IER3IP1: variants seen among roughly 807,000 people sequenced by gnomAD.
IER3IP1 encodes immediate early response 3 interacting protein 1, also known as immediate early response 3-interacting protein 1.
Under a neutral mutation model 12.2 loss-of-function variants are expected in IER3IP1, and 16 were observed. The observed-to-expected ratio is 1.31, with a 90% CI of 0.89 to 1.99. The LOEUF (loss-of-function observed/expected upper bound fraction) is 1.99, where lower values mean the gene tolerates loss of function less well. Among genes scored for constraint, IER3IP1 ranks in the 30% most tolerant of loss-of-function variants. IER3IP1 has a pLI of 0.00. For synonymous variants in IER3IP1, 42 were observed against 40.0 expected, an observed-to-expected ratio of 1.05 and a Z score of -0.19; for missense variants, 95 against 95.8, an observed-to-expected ratio of 0.99 and a Z score of 0.03.
intron 1 of IER3IP1, among the ~76,000 whole-genome samples, chr18:47,161,051 A>C (rs2063978519): frequency 6.6e-6 from 1 of 152,042 alleles, no homozygotes; most frequent in Non-Finnish European, 1.5e-5. Context: ...TCCTCATTTC[A>C]GGTCCACTTT....
intron 1 of IER3IP1, among the ~76,000 whole-genome samples, chr18:47,160,570 G>T (rs1025066301): frequency 6.6e-6 from 1 of 151,844 alleles, no homozygotes; most frequent in Non-Finnish European, 1.5e-5. Flanking sequence ...ATAAAGACAA[G>T]AACATGGTAA....
intron 1 of IER3IP1, among the ~76,000 whole-genome samples, chr18:47,163,588 G>A (rs1398531970): frequency 1.4e-4 from 22 of 152,218 alleles, no homozygotes; most frequent in Admixed American, 1.3e-3. Context: ...TCAAGCCTGA[G>A]TGTGCTGCTG....
intron 1 of IER3IP1, among the ~76,000 whole-genome samples, chr18:47,158,963 T>G (rs1264808576): frequency 6.6e-6 from 1 of 151,900 alleles, no homozygotes; most frequent in African/African-American, 2.4e-5. Context: ...TGTCTCAAAT[T>G]AAAAATTTTT....
chr18:47,166,174 T>A (rs143945543), intron 1 of IER3IP1, among the ~76,000 whole-genome samples: 3 of 152,360 alleles, frequency 2.0e-5, no homozygotes, highest in African/African-American at 7.2e-5. Flanking sequence ...ATATTCCCTG[T>A]ATCACTGTCA....
intron 1 of IER3IP1, among the ~76,000 whole-genome samples, chr18:47,159,404 A>G (rs929461201): frequency 3.9e-5 from 6 of 152,232 alleles, no homozygotes; most frequent in African/African-American, 9.6e-5. Flanking sequence ...CAACGTTTTT[A>G]CATGCATGCA....
intron 1 of IER3IP1, among the ~76,000 whole-genome samples, chr18:47,158,432 C>G (rs2063968476): frequency 6.6e-6 from 1 of 152,028 alleles, no homozygotes; most frequent in African/African-American, 2.4e-5. Context: ...CCTCAACCTC[C>G]CCAAGTTCAG....
At chr18:47,163,700 T>A (rs1031369728) in intron 1 of IER3IP1, among the ~76,000 whole-genome samples, 1 of 152,302 alleles carries the variant, frequency 6.6e-6, no homozygotes, top group East Asian at 1.9e-4. Flanking sequence ...GCTTCTATCT[T>A]TCTTTATAAA....
chr18:47,174,430 G>C (rs2064024852), intron 1 of IER3IP1, among the ~76,000 whole-genome samples: 1 of 152,066 alleles, frequency 6.6e-6, no homozygotes, highest in Admixed American at 6.6e-5. Flanking sequence ...TTCTTCCTTG[G>C]GAGGCCGAGG....
Position 47,155,102 on chromosome 18 carries a change from C to T in IER3IP1, c.*1075G>A, listed in dbSNP as rs1039810735. The T allele has an allele frequency of 6.6e-6, 1 of 152,196 alleles. No individual in the cohort carries two copies. Among genetic ancestry groups the T allele is most frequent in the Non-Finnish European group, 1.5e-5 (1 of 68,040 alleles). The allele number at this position is 152,196 out of a possible 1,614,324, so 9.4% of individuals were successfully genotyped here. A position where few individuals can be genotyped will look rare whatever the true frequency, so the allele number is the denominator to read the frequency against. On this transcript the variant is annotated 3_prime_UTR_variant, in exon 3 of 3. Coordinates refer to ENST00000256433, the MANE Select transcript of IER3IP1 (RefSeq NM_016097.5). Reference sequence around the variant, plus strand: ...TCCTATAAACAAAGATGCCATTCTACACCTTTAAAATATTGTAACTGATAA... The same window carrying T: ...TCCTATAAACAAAGATGCCATTCTATACCTTTAAAATATTGTAACTGATAA...
At chr18:47,168,149 A>T (rs1188316627) in intron 1 of IER3IP1, among the ~76,000 whole-genome samples, 17 of 140,802 alleles carry the variant, frequency 1.2e-4, no homozygotes, top group African/African-American at 4.8e-4. Context: ...AAAAAAAAAA[A>T]AAAAAATTTT....
chr18:47,168,914 A>C (rs2064005964), intron 1 of IER3IP1, among the ~76,000 whole-genome samples: 1 of 152,200 alleles, frequency 6.6e-6, no homozygotes, highest in South Asian at 2.1e-4. Flanking sequence ...GTAATTCAAA[A>C]AACAAACAAA....
In IER3IP1 at chr18:47,176,346, A is replaced by G; in HGVS notation, c.-69T>C. 1 of 1,392,000 alleles carries G rather than the reference A, an allele frequency of 7.2e-7. No individual in the cohort carries two copies. 86.2% of individuals were successfully genotyped at this position (1,392,000 alleles called of 1,614,324 possible). Reference sequence around the variant, plus strand: ...CCGCCGCAAGGGACGTGGCGCCTCCACGGCCGGCGCCTTCCTACGGAAGCC... The same window carrying G: ...CCGCCGCAAGGGACGTGGCGCCTCCGCGGCCGGCGCCTTCCTACGGAAGCC... On this transcript the variant is annotated 5_prime_UTR_variant, in exon 1 of 3. Transcript: ENST00000256433.
In IER3IP1 at chr18:47,156,064, AT is replaced by A. The variant is rs983524637; in HGVS notation, c.*112del. 9 of 723,100 alleles carry A rather than the reference AT, an allele frequency of 1.2e-5. No individual in the cohort carries two copies. Among genetic ancestry groups the A allele is most frequent in the Non-Finnish European group, 2.2e-5 (9 of 410,336 alleles). The allele number at this position is 723,100 out of a possible 1,614,324, so 44.8% of individuals were successfully genotyped here. A position where few individuals can be genotyped will look rare whatever the true frequency, so the allele number is the denominator to read the frequency against. ...ACCCTGGTTTTATTTTCAGCTTTAC[AT>A]TTTTGACAAGTGCAAGGTCAGCCAG... On this transcript the variant is annotated 3_prime_UTR_variant, in exon 3 of 3. Coordinates refer to ENST00000256433, the MANE Select transcript of IER3IP1 (RefSeq NM_016097.5).
chr18:47,168,301 C>CAAAAAAAA (rs35347851), intron 1 of IER3IP1, among the ~76,000 whole-genome samples: 4,084 of 106,736 alleles, frequency 0.038, 94 homozygotes, highest in Non-Finnish European at 0.05. Context: ...GACTCCATCA[C>CAAAAAAAA]AAAAAAAAAA....
chr18:47,156,205 G>C lies in IER3IP1; in HGVS notation c.221C>G (p.Ala74Gly), dbSNP rs374082811. The change falls in exon 3 of 3, where the codon GCA (alanine) becomes GGA (glycine). Residue 74 changes from alanine (A) to glycine (G), a missense_variant. By Grantham distance (60) the Ala-to-Gly change is moderately conservative (BLOSUM62 0). Coordinates refer to ENST00000256433, the MANE Select transcript of IER3IP1 (RefSeq NM_016097.5). ...TCCAAATAATAAAAGTAACACAATT[G>C]CAATTGAGTTTACTATTATCAATGG... ...RVPLIIVNSI[A>G]IVLLLLFG 84 of 1,569,740 alleles carry C rather than the reference G, an allele frequency of 5.4e-5. No individual in the cohort carries two copies. Among genetic ancestry groups the C allele is most frequent in the Non-Finnish European group, 7.4e-5 (84 of 1,141,206 alleles).
rs1249854085 is a variant in IER3IP1, at chr18:47,154,735, T to A, written c.*1442A>T. On this transcript the variant is annotated 3_prime_UTR_variant, in exon 3 of 3. Transcript: ENST00000256433. ...TCCTTGGTACTTTCCTTGGACTAGC[T>A]GCAAGCCTATAGTCCAAAGATCACT... The A allele has an allele frequency of 6.6e-6, 1 of 152,174 alleles. No homozygotes were observed. Among genetic ancestry groups the A allele is most frequent in the Non-Finnish European group, 1.5e-5 (1 of 68,034 alleles). 9.4% of individuals were successfully genotyped at this position (152,174 alleles called of 1,614,324 possible).
chr18:47,166,758 A>G (rs1259361033), intron 1 of IER3IP1, among the ~76,000 whole-genome samples: 1 of 152,184 alleles, frequency 6.6e-6, no homozygotes, highest in Non-Finnish European at 1.5e-5. Context: ...CCCAAATTAA[A>G]AACAAATAAA....
At chr18:47,156,569 T>G (rs1015239411) in intron 2 of IER3IP1, among the ~76,000 whole-genome samples, 2 of 152,126 alleles carry the variant, frequency 1.3e-5, no homozygotes, top group Non-Finnish European at 2.9e-5. Flanking sequence ...ACACTTGATA[T>G]TAGAAATATA....
Position 47,153,567 on chromosome 18 carries a change from C to T in IER3IP1, c.*2610G>A, listed in dbSNP as rs1253940922. 1 of 151,966 alleles carries T rather than the reference C, an allele frequency of 6.6e-6. No homozygotes were observed. Among genetic ancestry groups the T allele is most frequent in the African/African-American group, 2.4e-5 (1 of 41,346 alleles). 9.4% of individuals were successfully genotyped at this position (151,966 alleles called of 1,614,324 possible). On this transcript the variant is annotated 3_prime_UTR_variant, in exon 3 of 3. Transcript: ENST00000256433. The stretch of plus-strand genomic sequence containing the variant: ...CTCACCCTCCACCCTCAAATAGCCC[C>T]CAGTGTCTGTTGTCCCCCTCCTTAT...
Sources: gnomAD v4.1 joint callset for allele counts (sites outside exome capture counted in the v4.1 genomes callset) on GRCh38, gnomAD v4.1.1 for gene constraint, MANE v1.5 for transcripts, NCBI Gene and HGNC (gene_info 2026-07-23, HGNC 2026-07-21) for gene names.